RAPGEF6: variants seen among roughly 807,000 people sequenced by gnomAD.
RAPGEF6 encodes Rap guanine nucleotide exchange factor 6, also known as PDZ domain containing guanine nucleotide exchange factor (GEF) 2.
Under a neutral mutation model 171.4 loss-of-function variants are expected in RAPGEF6, and 56 were observed. The ratio of observed to expected loss-of-function variants is 0.33; its 90% CI spans 0.26 to 0.41. The LOEUF (loss-of-function observed/expected upper bound fraction) is 0.41, where lower values mean the gene tolerates loss of function less well. Ranked by LOEUF, RAPGEF6 falls within the 10% of genes least tolerant of loss-of-function variation. The probability of loss-of-function intolerance (pLI) is 1.00; values close to 1 mark genes in which losing one functional copy is unlikely to be tolerated. For synonymous variants in RAPGEF6, 692 were observed against 650.1 expected (o/e 1.06, Z -0.98); for missense variants, 1,674 against 1,921.4 (o/e 0.87, Z 2.41).
chr5:131,510,882 T>C (rs1235897611), intron 7 of RAPGEF6, among the ~76,000 whole-genome samples: 2 of 152,222 alleles, frequency 1.3e-5, no homozygotes, highest in South Asian at 2.1e-4. Context: ...TATTAGTCTA[T>C]GCTGGGTATT....
intron 4 of RAPGEF6, among the ~76,000 whole-genome samples, chr5:131,587,167 G>T (rs1169095351): frequency 6.6e-6 from 1 of 152,138 alleles, no homozygotes; most frequent in African/African-American, 2.4e-5. Context: ...GTATTTCATG[G>T]CTGTGTAACA....
chr5:131,600,642 CGAAGGAAGGAAG>C (rs759892581), intron 3 of RAPGEF6, among the ~76,000 whole-genome samples: 1 of 137,172 alleles, frequency 7.3e-6, no homozygotes, highest in East Asian at 2.1e-4. Flanking sequence ...GAGGAGGGAG[CGAAGGAAGGAAG>C]GAAGGAAGGA....
chr5:131,442,841 G>A (rs2149814310), intron 22 of RAPGEF6, among the ~76,000 whole-genome samples: 1 of 152,252 alleles, frequency 6.6e-6, no homozygotes, highest in African/African-American at 2.4e-5. Flanking sequence ...GGGCTGAAGT[G>A]CAATGGTGCA....
intron 24 of RAPGEF6, among the ~76,000 whole-genome samples, chr5:131,437,061 GAC>G (rs1366551912): frequency 6.6e-6 from 1 of 152,140 alleles, no homozygotes; most frequent in Non-Finnish European, 1.5e-5. Flanking sequence ...TGAGCATAAT[GAC>G]AGTTTTGTTC....
intron 23 of RAPGEF6, among the ~76,000 whole-genome samples, 187 bp downstream of exon 23, chr5:131,442,162 T>C (rs1752426759): frequency 6.6e-6 from 1 of 152,226 alleles, no homozygotes; most frequent in African/African-American, 2.4e-5. Context: ...AATGTTGGCA[T>C]TTAAAACACG....
chr5:131,431,473 A>G (rs1210294367), intron 25 of RAPGEF6, 124 bp from the exon 26 acceptor site: 3 of 1,016,228 alleles, frequency 3.0e-6, no homozygotes, highest in Non-Finnish European at 4.3e-6. Context: ...GCCAAATAAC[A>G]TCGTGAGGAA....
In RAPGEF6 at chr5:131,554,389, C is replaced by A. The variant is rs539415261; in HGVS notation, c.352-6199G>T. On this transcript the variant is annotated intron_variant, in intron 5 of 27. Transcript: ENST00000509018. ...AACTAAAAGCAAAAAATATTAAATA[C>A]GTGGTTAAATAGGAATAAATAATGA... 1.1e-3 allele frequency among the ~76,000 whole-genome samples: 164 copies of A among 152,152 alleles called. 3 individuals carry two copies. Among genetic ancestry groups the A allele is most frequent in the Non-Finnish European group, 2.0e-3 (133 of 67,972 alleles).
chr5:131,575,521 C>T (rs1033884059), intron 4 of RAPGEF6, among the ~76,000 whole-genome samples: 1 of 152,144 alleles, frequency 6.6e-6, no homozygotes, highest in Admixed American at 6.6e-5. Flanking sequence ...TCTCCGAAAC[C>T]CCAACCCCTT....
In RAPGEF6 at chr5:131,549,571, C is replaced by A. The variant is rs112538054; in HGVS notation, c.352-1381G>T. On this transcript the variant is annotated intron_variant, in intron 5 of 27. Coordinates refer to ENST00000509018, the MANE Select transcript of RAPGEF6 (RefSeq NM_016340.6). ...TAAAAGTTATGTGGGGGTGAGGGGG[C>A]GCAGTGGCGAGTGCCTGTAGTCCCT... 1.8e-3 allele frequency among the ~76,000 whole-genome samples: 270 copies of A among 151,904 alleles called. 1 individual carries two copies. The highest frequency in any genetic ancestry group is 5.8e-3 in the African/African-American group (242 of 41,420).
intron 8 of RAPGEF6, among the ~76,000 whole-genome samples, chr5:131,509,765 T>C (rs1381272724): frequency 1.3e-5 from 2 of 152,194 alleles, no homozygotes; most frequent in Non-Finnish European, 2.9e-5. Flanking sequence ...ACCTCAAAGA[T>C]GGCTCACAGT....
At chr5:131,480,695 T>G (rs1755412104) in intron 15 of RAPGEF6, among the ~76,000 whole-genome samples, 1 of 152,094 alleles carries the variant, frequency 6.6e-6, no homozygotes, top group South Asian at 2.1e-4. Flanking sequence ...GCCAGACTGG[T>G]CTCGAACTCC....
intron 5 of RAPGEF6, among the ~76,000 whole-genome samples, chr5:131,553,987 A>T (rs1466213384): frequency 6.6e-6 from 1 of 152,078 alleles, no homozygotes; most frequent in Non-Finnish European, 1.5e-5. Flanking sequence ...TTGATGCCCA[A>T]AGCAGTCCAA....
intron 1 of RAPGEF6, among the ~76,000 whole-genome samples, chr5:131,625,752 C>T (rs568126145): frequency 1.4e-3 from 208 of 149,662 alleles, no homozygotes; most frequent in Non-Finnish European, 1.8e-3. Flanking sequence ...GGAGGTGGAG[C>T]TTGCAGTCAG....
At chr5:131,492,536 A>C in intron 14 of RAPGEF6, 46 bp downstream of exon 14, 4 of 1,569,046 alleles carry the variant, frequency 2.5e-6, no homozygotes, top group Non-Finnish European at 3.5e-6. Context: ...AGCAGGCATA[A>C]TACTTTTAAG....
At chr5:131,567,095 CA>C (rs34938105) in intron 4 of RAPGEF6, among the ~76,000 whole-genome samples, 2,351 of 131,632 alleles carry the variant, frequency 0.018, 66 homozygotes, top group African/African-American at 0.062. Flanking sequence ...ACTCTTGTCT[CA>C]AAAAAAAAAA....
intron 1 of RAPGEF6, among the ~76,000 whole-genome samples, chr5:131,620,027 A>T (rs932211709): frequency 9.2e-5 from 14 of 152,204 alleles, no homozygotes; most frequent in Non-Finnish European, 1.5e-4. Flanking sequence ...TCCAATAACC[A>T]CCATACAGTA....
intron 7 of RAPGEF6, among the ~76,000 whole-genome samples, chr5:131,512,848 G>C (rs879845176): frequency 2.6e-5 from 4 of 152,162 alleles, no homozygotes; most frequent in Non-Finnish European, 4.4e-5. Context: ...GCTACAGTTA[G>C]AAGGTACCTC....
intron 6 of RAPGEF6, among the ~76,000 whole-genome samples, chr5:131,527,602 C>G (rs1222042696): frequency 6.6e-6 from 1 of 152,056 alleles, no homozygotes; most frequent in Non-Finnish European, 1.5e-5. Flanking sequence ...GTTAAGATCA[C>G]TCTGGAAGCA....
At chr5:131,601,697 AGAGC>A (rs1156544805) in intron 3 of RAPGEF6, among the ~76,000 whole-genome samples, 1 of 152,180 alleles carries the variant, frequency 6.6e-6, no homozygotes, top group Non-Finnish European at 1.5e-5. Flanking sequence ...TCAAACATGT[AGAGC>A]AACTGGAACT....
Sources: gnomAD v4.1 joint callset for allele counts (sites outside exome capture counted in the v4.1 genomes callset) on GRCh38, gnomAD v4.1.1 for gene constraint, MANE v1.5 for transcripts, NCBI Gene and HGNC (gene_info 2026-07-23, HGNC 2026-07-21) for gene names.